SYT1: variants seen among roughly 807,000 people sequenced by gnomAD.
SYT1 encodes the protein synaptotagmin-1.
SYT1 carries 8 observed loss-of-function variants against 44.8 expected under a neutral mutation model. That is an observed-to-expected ratio of 0.18 (90% confidence interval 0.10 to 0.32). The LOEUF (loss-of-function observed/expected upper bound fraction) is 0.32, where lower values mean the gene tolerates loss of function less well. Ranked by LOEUF, SYT1 falls within the 10% of genes least tolerant of loss-of-function variation. The pLI, the probability that SYT1 is intolerant of heterozygous loss-of-function variation, is 1.00. For missense variants in SYT1, 286 were observed against 509.3 expected, an observed-to-expected ratio of 0.56 and a Z score of 4.22; for synonymous variants, 154 against 188.8, an observed-to-expected ratio of 0.82 and a Z score of 1.51.
At position 78,980,112 on chromosome 12, in the gene SYT1, C is replaced by T. The variant is rs141206737; in HGVS notation, c.-84+2181C>T. Among the ~76,000 whole-genome samples the T allele has an allele frequency of 1.1e-4, 17 of 151,958 alleles. No individual in the cohort carries two copies. In the East Asian group the frequency reaches 2.5e-3, roughly 22 times the overall value. ...TCTTAATAAGAATATTTTCTCAGTGCGGCAAGTAAGACATGTTTGCCAATT... is the reference window on the plus strand; with the variant it reads ...TCTTAATAAGAATATTTTCTCAGTGTGGCAAGTAAGACATGTTTGCCAATT... On this transcript the variant is annotated intron_variant, in intron 2 of 10. Transcript: ENST00000261205.
chr12:79,204,770 T>C (rs1352824183), intron 3 of SYT1, among the ~76,000 whole-genome samples: 1 of 130,924 alleles, frequency 7.6e-6, no homozygotes, highest in Non-Finnish European at 1.6e-5. Context: ...ACTTTGCTCC[T>C]GTTGTAACTT....
At chr12:79,190,742 A>G (rs1355560523) in intron 3 of SYT1, among the ~76,000 whole-genome samples, 2 of 152,154 alleles carry the variant, frequency 1.3e-5, no homozygotes, top group East Asian at 3.9e-4. Flanking sequence ...TGATGGAGTT[A>G]AAAAGCTTTT....
At position 79,158,895 on chromosome 12, in the gene SYT1, C is replaced by CA. The variant is rs35276771; in HGVS notation, c.-17-58596dup. ...CTGGGTGACAAGTGAAACCTTGTCTCAAAAAAAAAAAATTGATAAAAGATA... is the reference window on the plus strand; with the variant it reads ...CTGGGTGACAAGTGAAACCTTGTCTCAAAAAAAAAAAAATTGATAAAAGATA... On this transcript the variant is annotated intron_variant, in intron 3 of 10. Transcript: ENST00000261205. 6.8e-3 allele frequency among the ~76,000 whole-genome samples: 946 copies of CA among 138,752 alleles called. 8 individuals are homozygous for CA. The highest frequency in any genetic ancestry group is 8.5e-3 in the African/African-American group (322 of 37,948). 91.0% of individuals were successfully genotyped at this position (138,752 alleles called of 152,430 possible).
intron 9 of SYT1, among the ~76,000 whole-genome samples, chr12:79,355,106 G>A (rs1270719970): frequency 1.3e-5 from 2 of 152,124 alleles, no homozygotes; most frequent in East Asian, 1.9e-4. Context: ...GTTCATCCCA[G>A]TTTGCTGTCT....
intron 1 of SYT1, among the ~76,000 whole-genome samples, chr12:78,961,030 T>C (rs1358301288): frequency 6.6e-6 from 1 of 151,810 alleles, no homozygotes; most frequent in Non-Finnish European, 1.5e-5. Flanking sequence ...AAGTAGTTTA[T>C]TTCTGTACTC....
chr12:78,916,195 AT>A (rs1343271488), intron 1 of SYT1, among the ~76,000 whole-genome samples: 1 of 152,078 alleles, frequency 6.6e-6, no homozygotes, highest in African/African-American at 2.4e-5. Context: ...AGGCATTAAC[AT>A]TATGGTATAG....
At chr12:79,402,747 T>C (rs992477932) in intron 9 of SYT1, among the ~76,000 whole-genome samples, 4 of 152,228 alleles carry the variant, frequency 2.6e-5, no homozygotes, top group African/African-American at 4.8e-5. Context: ...ATAGGGATAA[T>C]AAGACACCAT....
chr12:79,206,078 G>C (rs539267655), intron 3 of SYT1, among the ~76,000 whole-genome samples: 2 of 152,018 alleles, frequency 1.3e-5, no homozygotes, highest in South Asian at 4.2e-4. Flanking sequence ...ATTTTATTTT[G>C]TATTAAAAGA....
chr12:79,112,520 G>A lies in SYT1; in HGVS notation c.-18+65158G>A, dbSNP rs138290234. 6.2e-4 allele frequency among the ~76,000 whole-genome samples: 95 copies of A among 152,200 alleles called. No individual in the cohort carries two copies. The East Asian group carries it at 0.014, about 23-fold the overall frequency. The stretch of plus-strand genomic sequence containing the variant: ...GGGGAATGACATTATTGGAGGTGGG[G>A]TTTATAAAGATTGACCTACCAGTGA... On this transcript the variant is annotated intron_variant, in intron 3 of 10. Transcript: ENST00000261205.
rs1878407036 is a variant in SYT1, at chr12:79,100,853, A to G, written c.-18+53491A>G. The stretch of plus-strand genomic sequence containing the variant: ...AATAACTGTTTTTTAAAAACTTTGA[A>G]GAATGGTTTAATCCTTATATGTAAA... On this transcript the variant is annotated intron_variant, in intron 3 of 10. Transcript: ENST00000261205. Among the ~76,000 whole-genome samples the G allele has an allele frequency of 3.3e-5, 5 of 152,240 alleles. No individual in the cohort carries two copies. In the South Asian group the frequency reaches 1.0e-3, roughly 32 times the overall value.
At chr12:79,292,337 G>T (rs939105727) in intron 6 of SYT1, among the ~76,000 whole-genome samples, 1 of 152,106 alleles carries the variant, frequency 6.6e-6, no homozygotes, top group Admixed American at 6.6e-5. Context: ...GTATTCAACC[G>T]ATTACATCTA....
chr12:79,105,102 G>C (rs1388634181), intron 3 of SYT1, among the ~76,000 whole-genome samples: 1 of 152,152 alleles, frequency 6.6e-6, no homozygotes, highest in Non-Finnish European at 1.5e-5. Flanking sequence ...AAAACACATA[G>C]AGCACAATGG....
At chr12:79,062,327 C>A (rs558861176) in intron 3 of SYT1, among the ~76,000 whole-genome samples, 1 of 152,126 alleles carries the variant, frequency 6.6e-6, no homozygotes, top group Admixed American at 6.6e-5. Flanking sequence ...ACAGTAGCTG[C>A]CTACCAGGTT....
At chr12:79,100,346 A>G (rs1161248331) in intron 3 of SYT1, among the ~76,000 whole-genome samples, 1 of 152,172 alleles carries the variant, frequency 6.6e-6, no homozygotes, top group Admixed American at 6.6e-5. Flanking sequence ...CTTAACCACC[A>G]GGTCATACTA....
intron 4 of SYT1, among the ~76,000 whole-genome samples, chr12:79,282,258 G>A (rs1053859030): frequency 1.1e-4 from 17 of 152,128 alleles, no homozygotes; most frequent in East Asian, 3.9e-4. Flanking sequence ...CATCTTGGAG[G>A]GGCCATTATC....
At chr12:79,137,534 A>G (rs372377752) in intron 3 of SYT1, among the ~76,000 whole-genome samples, 72 of 152,362 alleles carry the variant, frequency 4.7e-4, no homozygotes, top group African/African-American at 7.2e-4. Context: ...CAAGTCATAA[A>G]TTAGAAGAGA....
At chr12:79,439,183 A>C (rs1041558410) in intron 9 of SYT1, among the ~76,000 whole-genome samples, 2 of 152,186 alleles carry the variant, frequency 1.3e-5, no homozygotes, top group Non-Finnish European at 2.9e-5. Context: ...AAAGAAGCTC[A>C]GTAAATCAGT....
At chr12:79,329,949 A>G (rs1201080190) in intron 8 of SYT1, among the ~76,000 whole-genome samples, 1 of 152,126 alleles carries the variant, frequency 6.6e-6, no homozygotes, top group East Asian at 1.9e-4. Context: ...TCTTTTTTGC[A>G]GAAAGCATAT....
intron 2 of SYT1, among the ~76,000 whole-genome samples, chr12:79,038,200 C>T (rs1279387159): frequency 5.3e-5 from 8 of 150,550 alleles, no homozygotes; most frequent in Non-Finnish European, 1.0e-4. Flanking sequence ...TATATATACA[C>T]ATATATATAC....
Sources: allele counts gnomAD v4.1 joint callset (sites outside exome capture counted in the v4.1 genomes callset), GRCh38; gene constraint gnomAD v4.1.1; transcripts MANE v1.5; gene names NCBI Gene and HGNC (gene_info 2026-07-23, HGNC 2026-07-21).